Variants in YIF1B observed in about 807,000 individuals in gnomAD.
YIF1B encodes the protein Yip1 interacting factor homolog B, membrane trafficking protein, also known as protein YIF1B.
A neutral mutation model predicts 34.6 loss-of-function variants in YIF1B; 24 were observed. The ratio of observed to expected loss-of-function variants is 0.69; its 90% confidence interval spans 0.50 to 0.98. The LOEUF (loss-of-function observed/expected upper bound fraction) is 0.98, where lower values mean the gene tolerates loss of function less well. YIF1B is among the 50% of genes least tolerant of loss of function. The probability of loss-of-function intolerance (pLI) is 0.00; values close to 1 mark genes in which losing one functional copy is unlikely to be tolerated. For synonymous variants in YIF1B, 186 were observed against 184.8 expected, an observed-to-expected ratio of 1.01 and a Z score of -0.05; for missense variants, 368 against 429.4, an observed-to-expected ratio of 0.86 and a Z score of 1.26.
chr19:38,313,262 C>CTT (rs771234619), intron 1 of YIF1B, among the ~76,000 whole-genome samples: 47 of 107,360 alleles, frequency 4.4e-4, no homozygotes, highest in South Asian at 1.2e-3. Flanking sequence ...CCAGAGTGAT[C>CTT]TTTTTTTTTT....
chr19:38,315,210 A>C (rs1969495102), intron 1 of YIF1B, among the ~76,000 whole-genome samples: 1 of 149,698 alleles, frequency 6.7e-6, no homozygotes, highest in Non-Finnish European at 1.5e-5. Flanking sequence ...GCGCCATTGC[A>C]CTCCAGCCTT....
At chr19:38,319,874 A>G (rs1969625408), upstream of YIF1B, 1 of 1,298,242 alleles carries the variant, frequency 7.7e-7, no homozygotes, top group Non-Finnish European at 9.9e-7. Context: ...CGGAACTGGA[A>G]CTAGGTGCCA....
chr19:38,309,831 T>C, intron 1 of YIF1B, 188 bp from the exon 2 acceptor site: 1 of 1,430,046 alleles, frequency 7.0e-7, no homozygotes, highest in Non-Finnish European at 9.1e-7. Flanking sequence ...AACCCACCCA[T>C]CTAGCCAACT....
At position 38,307,491 on chromosome 19, in the gene YIF1B, G is replaced by A. The variant is rs559166201; in HGVS notation, c.726C>T (p.Leu242=). 8.7e-6 allele frequency: 14 copies of A among 1,613,962 alleles called. No homozygotes were observed. The South Asian group carries it at 1.2e-4, about 14-fold the overall frequency. ...CCAGGTAGTAGCCAATCTTCCCGAA[G>A]AGCAGGCCCATGAGGACCCCGCCAA... ...GMIGGVLMGL[L]FGKIGYYLVL... Residue 242 remains leucine, a synonymous_variant, in exon 7 of 8, where the codon CTC becomes CTT. Coordinates refer to ENST00000339413, the MANE Select transcript of YIF1B (RefSeq NM_001039672.3).
At chr19:38,308,736 C>G in intron 5 of YIF1B, 56 bp downstream of exon 5, 1 of 1,610,268 alleles carries the variant, frequency 6.2e-7, no homozygotes, top group South Asian at 1.1e-5. Context: ...ACCTTCCTGA[C>G]CAACCATGGG....
rs752381402 is a variant in YIF1B at position 38,315,875 on chromosome 19, G to A, written c.43C>T (p.Arg15Trp). Reference protein sequence around the residue: ...GLAAAAAGTPRLRKWPSKRRI... With the variant: ...GLAAAAAGTPWLRKWPSKRRI... ...GGCCACGTACGCCACTTACGCAGCCGGGGCGTCCCCGCAGCCGCCGCCGCC... is the reference window on the plus strand; with the variant it reads ...GGCCACGTACGCCACTTACGCAGCCAGGGCGTCCCCGCAGCCGCCGCCGCC... The change falls in exon 1 of 8, where the codon CGG (arginine) becomes TGG (tryptophan). Residue 15 changes from arginine to tryptophan, a missense_variant. By Grantham distance (101) the Arg-to-Trp change is moderately radical. This residue lies in a region of YIF1B where 153 missense variants were observed against 156.7 expected (regional missense o/e 0.98). Transcript: ENST00000339413. 19 of 1,483,864 alleles carry A rather than the reference G, an allele frequency of 1.3e-5. No individual in the cohort carries two copies. Among genetic ancestry groups the A allele is most frequent in the Non-Finnish European group, 1.5e-5 (17 of 1,126,140 alleles). The allele number at this position is 1,483,864 out of a possible 1,614,324, so 91.9% of individuals were successfully genotyped here.
rs758113259 is a variant in YIF1B, at chr19:38,305,186, A to C, written c.*166T>G. ...GGGGCGGTGGCCTGTGCAGCTGGAG[A>C]TCTCTCAGCACCTTGGGTTGGGGGC... On this transcript the variant is annotated 3_prime_UTR_variant, in exon 8 of 8. Transcript: ENST00000339413. 20 of 1,376,194 alleles carry C rather than the reference A, an allele frequency of 1.5e-5. No homozygotes were observed. In the East Asian group the frequency reaches 2.3e-4, roughly 16 times the overall value. 85.2% of individuals were successfully genotyped at this position (1,376,194 alleles called of 1,614,324 possible).
Position 38,304,897 on chromosome 19 carries a change from A to G in YIF1B, c.*455T>C, listed in dbSNP as rs773381141. The G allele has an allele frequency of 9.9e-6, 16 of 1,611,320 alleles. 1 individual carries two copies. In the East Asian group the frequency reaches 3.6e-4, roughly 36 times the overall value. ...GAGAGCATCCCGGGCAAGGCCAAGAAGCCCAAAGTGAAGAAGAAGGAGAAG... is the reference window on the plus strand; with the variant it reads ...GAGAGCATCCCGGGCAAGGCCAAGAGGCCCAAAGTGAAGAAGAAGGAGAAG... On this transcript the variant is annotated 3_prime_UTR_variant, in exon 8 of 8. Transcript: ENST00000339413.
At chr19:38,320,747 C>G (rs1297974880), upstream of YIF1B, among the ~76,000 whole-genome samples, 6 of 151,986 alleles carry the variant, frequency 3.9e-5, no homozygotes. Flanking sequence ...TCAGTGGAGA[C>G]GGAGTTTCAC....
In YIF1B at chr19:38,309,136, G is replaced by A. The variant is rs909714332; in HGVS notation, c.403-79C>T. 37 of 1,569,080 alleles carry A rather than the reference G, an allele frequency of 2.4e-5. No individual in the cohort carries two copies. The Admixed American group carries it at 3.5e-4, about 15-fold the overall frequency. The stretch of plus-strand genomic sequence containing the variant: ...GCTACAGGCCCTCCTCCCTCGAGGC[G>A]AATCTCCCGGCTCCACCATGCACCT... On this transcript the variant is annotated intron_variant, in intron 3 of 7. Transcript: ENST00000339413.
At chr19:38,315,256 A>AG (rs1969498500) in intron 1 of YIF1B, among the ~76,000 whole-genome samples, 2 of 152,058 alleles carry the variant, frequency 1.3e-5, no homozygotes, top group Middle Eastern at 6.8e-3. Context: ...AAAAAAAAAA[A>AG]AAAAAGAAAA....
intron 1 of YIF1B, 130 bp downstream of exon 1, chr19:38,315,730 C>T (rs1203880081): frequency 3.1e-6 from 5 of 1,609,888 alleles, no homozygotes; most frequent in South Asian, 1.1e-5. Context: ...AACCTGGCAT[C>T]CCAGCGCTGT....
intron 1 of YIF1B, among the ~76,000 whole-genome samples, chr19:38,312,352 G>C (rs2146311078): frequency 6.7e-6 from 1 of 149,638 alleles, no homozygotes; most frequent in East Asian, 2.0e-4. Context: ...GGGATGTCAA[G>C]GCTGCAGTGC....
Position 38,315,721 on chromosome 19 carries a change from A to C in YIF1B, c.58+139T>G, listed in dbSNP as rs1266579182. 5 of 1,609,654 alleles carry C rather than the reference A, an allele frequency of 3.1e-6. No homozygotes were observed. In the East Asian group the frequency reaches 1.1e-4, roughly 36 times the overall value. On this transcript the variant is annotated intron_variant, in intron 1 of 7. Coordinates refer to ENST00000339413, the MANE Select transcript of YIF1B (RefSeq NM_001039672.3). ...GCCCCCCAAGGGGCCTCCTACCCGA[A>C]CCTGGCATCCCAGCGCTGTGCACAC... is the stretch of plus-strand genomic sequence containing the variant.
chr19:38,318,217 A>AAAAAAAAAAAAC (rs1969605330), upstream of YIF1B, among the ~76,000 whole-genome samples: 1 of 150,996 alleles, frequency 6.6e-6, no homozygotes, highest in Non-Finnish European at 1.5e-5. Flanking sequence ...AAAAAAAAAA[A>AAAAAAAAAAAAC]AAAGCAAGTT....
rs1256895941 is a variant in YIF1B at position 38,304,299 on chromosome 19, G to A, written c.*1053C>T. The A allele has an allele frequency of 2.5e-6, 4 of 1,613,804 alleles. 2 individuals carry two copies. In the South Asian group the frequency reaches 4.4e-5, roughly 18 times the overall value. On this transcript the variant is annotated 3_prime_UTR_variant, in exon 8 of 8. Transcript: ENST00000339413. ...CTGGGAGCAGGTGAGCTCCTGGGGAGTGTGGACTGGAGGTGCAGGGGGCCG... is the reference window on the plus strand; with the variant it reads ...CTGGGAGCAGGTGAGCTCCTGGGGAATGTGGACTGGAGGTGCAGGGGGCCG...
chr19:38,315,796 C>T (rs1003515301), intron 1 of YIF1B, 64 bp downstream of exon 1: 1 of 1,526,300 alleles, frequency 6.6e-7, no homozygotes, highest in Non-Finnish European at 8.8e-7. Flanking sequence ...GCAGTGACCT[C>T]GCCAACCGAC....
intron 1 of YIF1B, among the ~76,000 whole-genome samples, chr19:38,312,005 G>A (rs1468962967): frequency 3.3e-5 from 5 of 152,058 alleles, no homozygotes; most frequent in Non-Finnish European, 2.9e-5. Context: ...GCTGAGGCAG[G>A]AGAATTGCTT....
At chr19:38,306,422 G>C (rs1224170790) in intron 7 of YIF1B, among the ~76,000 whole-genome samples, 1 of 151,852 alleles carries the variant, frequency 6.6e-6, no homozygotes, top group African/African-American at 2.4e-5. Context: ...TGTTGTCCAG[G>C]CTGGTATCAA....
Sources: allele counts gnomAD v4.1 joint callset (sites outside exome capture counted in the v4.1 genomes callset), GRCh38; gene constraint gnomAD v4.1.1; regional missense constraint gnomAD v4.1.1; transcripts MANE v1.5; gene names NCBI Gene and HGNC (gene_info 2026-07-23, HGNC 2026-07-21).